The following SPHKAP variants were observed in gnomAD, a reference collection of about 807,000 sequenced individuals.
The protein encoded by SPHKAP is SPHK1 interactor, AKAP domain containing, also known as A-kinase anchor protein SPHKAP.
In SPHKAP, 67 loss-of-function variants were observed where a neutral mutation model predicts 137.5. The ratio of observed to expected loss-of-function variants is 0.49; its 90% confidence interval spans 0.40 to 0.60. The LOEUF (loss-of-function observed/expected upper bound fraction) is 0.60. SPHKAP is among the 20% of genes least tolerant of loss of function. The probability of loss-of-function intolerance (pLI) is 0.00; values close to 1 mark genes in which losing one functional copy is unlikely to be tolerated. For missense variants in SPHKAP, 2,097 were observed against 2,069.3 expected, an observed-to-expected ratio of 1.01 and a Z score of -0.26; for synonymous variants, 813 against 785.3, an observed-to-expected ratio of 1.04 and a Z score of -0.59.
At chr2:228,175,719 A>G (rs569136777) in intron 1 of SPHKAP, among the ~76,000 whole-genome samples, 3 of 152,208 alleles carry the variant, frequency 2.0e-5, no homozygotes, top group Non-Finnish European at 4.4e-5. Context: ...TAACACATCA[A>G]TTAAAAAAAG....
chr2:228,103,119 C>G (rs1168008768), intron 3 of SPHKAP, among the ~76,000 whole-genome samples: 1 of 152,150 alleles, frequency 6.6e-6, no homozygotes, highest in Admixed American at 6.5e-5. Context: ...GTTGAGTCAC[C>G]TGGCTGCTGT....
intron 3 of SPHKAP, among the ~76,000 whole-genome samples, chr2:228,101,013 G>A (rs1347425204): frequency 6.6e-6 from 1 of 152,120 alleles, no homozygotes. Flanking sequence ...TTCTCTATCT[G>A]CACATTCTCC....
intron 2 of SPHKAP, among the ~76,000 whole-genome samples, chr2:228,123,713 G>A (rs4369853): frequency 0.34 from 52,000 of 151,904 alleles, 9,176 homozygotes; most frequent in East Asian, 0.51. Context: ...AGTTTGTTTC[G>A]CTGTGCAGAA....
At chr2:228,060,831 T>C (rs1366945148) in intron 3 of SPHKAP, among the ~76,000 whole-genome samples, 1 of 152,144 alleles carries the variant, frequency 6.6e-6, no homozygotes, top group Admixed American at 6.5e-5. Context: ...GGTGAGGTTT[T>C]TCTTAGGAAG....
chr2:228,006,738 T>C (rs976355461), intron 7 of SPHKAP, among the ~76,000 whole-genome samples: 53 of 152,340 alleles, frequency 3.5e-4, no homozygotes, highest in African/African-American at 1.1e-3. Context: ...TCTTTTCTGT[T>C]TGTTAGTTTT....
At chr2:228,144,443 A>G (rs1038170406) in intron 1 of SPHKAP, among the ~76,000 whole-genome samples, 1 of 148,200 alleles carries the variant, frequency 6.7e-6, no homozygotes, top group East Asian at 2.0e-4. Context: ...CAATGAGTTC[A>G]TTAAAACAAA....
chr2:228,016,802 A>G lies in SPHKAP; in HGVS notation c.4052T>C (p.Leu1351Ser), dbSNP rs1694614983. The G allele has an allele frequency of 6.2e-7, 1 of 1,613,946 alleles. No homozygotes were observed. Among genetic ancestry groups the G allele is most frequent in the South Asian group, 1.1e-5 (1 of 91,050 alleles). ...CCCACTGCACATCCTGCTCGCAGCT[A>G]ATCTATTTGCACACTTCTCTGCTTG... ...PSQAEKCANRLAASRMCSGPT... is the reference protein window; with the variant it reads ...PSQAEKCANRSAASRMCSGPT... Residue 1351 changes from leucine to serine, a missense_variant, in exon 7 of 12, where the codon TTA (leucine) becomes TCA (serine). By Grantham distance (145) the Leu-to-Ser change is moderately radical. Coordinates refer to ENST00000392056, the MANE Select transcript of SPHKAP (RefSeq NM_001142644.2).
chr2:228,134,065 GAAA>G (rs1416565392), intron 1 of SPHKAP, among the ~76,000 whole-genome samples: 1 of 147,830 alleles, frequency 6.8e-6, no homozygotes, highest in Non-Finnish European at 1.5e-5. Context: ...AGGAAGGAAA[GAAA>G]AAGAGAGAGA....
chr2:228,058,563 T>G lies in SPHKAP; in HGVS notation c.247-31020A>C, dbSNP rs577909746. On this transcript the variant is annotated intron_variant, in intron 3 of 11. Transcript: ENST00000392056. ...CCCGCTGTTAACGTTGCTGGAGGGA[T>G]CTGTTACCTGTGCCCCGCTCCCCGT... is the stretch of plus-strand genomic sequence containing the variant. Among the ~76,000 whole-genome samples the G allele has an allele frequency of 3.3e-5, 5 of 152,270 alleles. No individual in the cohort carries two copies. The South Asian group carries it at 6.2e-4, about 19-fold the overall frequency.
chr2:228,172,278 T>C (rs1315398536), intron 1 of SPHKAP, among the ~76,000 whole-genome samples: 1 of 152,180 alleles, frequency 6.6e-6, no homozygotes, highest in African/African-American at 2.4e-5. Flanking sequence ...AAATGGGCAA[T>C]GTGTGAATTG....
At chr2:228,080,891 TAC>T (rs1331889439) in intron 3 of SPHKAP, among the ~76,000 whole-genome samples, 2 of 152,114 alleles carry the variant, frequency 1.3e-5, no homozygotes, top group African/African-American at 4.8e-5. Context: ...AGAACCCTTG[TAC>T]ACAGTTGTTG....
At chr2:228,074,870 T>C (rs1697125331) in intron 3 of SPHKAP, among the ~76,000 whole-genome samples, 1 of 152,146 alleles carries the variant, frequency 6.6e-6, no homozygotes, top group South Asian at 2.1e-4. Context: ...TCCCCAATCC[T>C]TCTTTCTCAC....
rs1457840761 is a variant in SPHKAP, at chr2:228,027,625, G to A, written c.247-82C>T. ...GAAGAAAGAAAGCAGGAATCAGTTG[G>A]GGCAAATGCTTTGGGAGTCTTCCAC... On this transcript the variant is annotated intron_variant, in intron 3 of 11. Coordinates refer to ENST00000392056, the MANE Select transcript of SPHKAP (RefSeq NM_001142644.2). 1.1e-5 allele frequency: 15 copies of A among 1,388,498 alleles called. No homozygotes were observed. In the South Asian group the frequency reaches 1.6e-4, roughly 15 times the overall value. 86.0% of individuals were successfully genotyped at this position (1,388,498 alleles called of 1,614,324 possible).
At chr2:228,132,843 C>CA (rs1313392929) in intron 1 of SPHKAP, among the ~76,000 whole-genome samples, 4,092 of 126,288 alleles carry the variant, frequency 0.032, 139 homozygotes, top group Non-Finnish European at 0.045. Flanking sequence ...ACTAAAAATA[C>CA]AAAAAAAAAA....
intron 2 of SPHKAP, among the ~76,000 whole-genome samples, chr2:228,115,051 T>A (rs1048952420): frequency 7.9e-5 from 12 of 152,134 alleles, no homozygotes; most frequent in African/African-American, 2.9e-4. Context: ...GTTGTCTGGA[T>A]GTATCAGGGC....
At chr2:227,992,818 T>C (rs1350297354) in intron 9 of SPHKAP, among the ~76,000 whole-genome samples, 1 of 152,178 alleles carries the variant, frequency 6.6e-6, no homozygotes, top group African/African-American at 2.4e-5. Flanking sequence ...CCTATACTTA[T>C]TTATCATTGC....
intron 3 of SPHKAP, among the ~76,000 whole-genome samples, chr2:228,065,196 C>T (rs1378277843): frequency 1.3e-5 from 2 of 152,212 alleles, no homozygotes; most frequent in African/African-American, 4.8e-5. Flanking sequence ...TCTCAGGCTA[C>T]TGTGTGCTGT....
chr2:228,142,866 G>A (rs956938922), intron 1 of SPHKAP, among the ~76,000 whole-genome samples: 1 of 152,070 alleles, frequency 6.6e-6, no homozygotes, highest in Non-Finnish European at 1.5e-5. Context: ...GTTAAAAAAT[G>A]AGTGTTGCTT....
chr2:228,146,064 C>T (rs1355446123), intron 1 of SPHKAP, among the ~76,000 whole-genome samples: 4 of 151,990 alleles, frequency 2.6e-5, no homozygotes, highest in South Asian at 4.2e-4. Flanking sequence ...TTGCCTTTCA[C>T]GTTAGAGAAA....
Sources: allele counts gnomAD v4.1 joint callset (sites outside exome capture counted in the v4.1 genomes callset), GRCh38; gene constraint gnomAD v4.1.1; transcripts MANE v1.5; gene names NCBI Gene and HGNC (gene_info 2026-07-23, HGNC 2026-07-21).